The following FNDC3B variants were observed in gnomAD, a reference collection of about 807,000 sequenced individuals.
FNDC3B encodes the protein fibronectin type III domain containing 3B, also known as fibronectin type III domain-containing protein 3B.
A neutral mutation model predicts 151.5 loss-of-function variants in FNDC3B; 12 were observed. That is an observed-to-expected ratio of 0.08 (90% CI 0.05 to 0.13). The LOEUF is 0.13. Ranked by LOEUF, FNDC3B falls within the 10% of genes least tolerant of loss-of-function variation. FNDC3B has a pLI of 1.00. For missense variants in FNDC3B, 1,214 were observed against 1,505.3 expected (o/e 0.81, Z 3.20); for synonymous variants, 528 against 549.0 (o/e 0.96, Z 0.54).
chr3:172,170,291 T>C (rs1268723528), intron 3 of FNDC3B, among the ~76,000 whole-genome samples: 1 of 152,218 alleles, frequency 6.6e-6, no homozygotes, highest in East Asian at 1.9e-4. Context: ...ACAGGTCATA[T>C]GTTTGTTTCT....
intron 3 of FNDC3B, among the ~76,000 whole-genome samples, chr3:172,168,872 C>T (rs762585569): frequency 2.0e-5 from 3 of 151,258 alleles, no homozygotes; most frequent in Non-Finnish European, 2.9e-5. Context: ...CCACCACTCC[C>T]GGCTAATTTT....
chr3:172,239,214 A>T (rs73027387), intron 4 of FNDC3B, among the ~76,000 whole-genome samples: 1 of 152,082 alleles, frequency 6.6e-6, no homozygotes, highest in East Asian at 1.9e-4. Context: ...CTGAGTGGAG[A>T]GGGGAGAGGT....
At chr3:172,177,277 C>T (rs1055765356) in intron 3 of FNDC3B, among the ~76,000 whole-genome samples, 1 of 152,222 alleles carries the variant, frequency 6.6e-6, no homozygotes, top group Non-Finnish European at 1.5e-5. Context: ...GCCAGGTCTA[C>T]TGAATCAAGA....
At chr3:172,378,223 C>T (rs1278135397) in intron 23 of FNDC3B, 47 bp from the exon 24 acceptor site, 2 of 1,490,138 alleles carry the variant, frequency 1.3e-6, no homozygotes, top group Admixed American at 2.3e-5. Context: ...AATTTCTTGT[C>T]ATTAGTAGAC....
chr3:172,187,996 GTTT>G (rs35110477), intron 3 of FNDC3B, among the ~76,000 whole-genome samples: 1 of 134,650 alleles, frequency 7.4e-6, no homozygotes, highest in African/African-American at 3.0e-5. Flanking sequence ...TATTTAAGCA[GTTT>G]TTTTTTTTTT....
intron 3 of FNDC3B, among the ~76,000 whole-genome samples, chr3:172,145,322 C>G (rs1477282723): frequency 2.0e-5 from 3 of 152,286 alleles, no homozygotes; most frequent in African/African-American, 7.2e-5. Context: ...AGAGTGGAAA[C>G]TTAAATCAAA....
intron 23 of FNDC3B, among the ~76,000 whole-genome samples, chr3:172,376,622 T>C (rs1303555373): frequency 6.6e-6 from 1 of 152,126 alleles, no homozygotes; most frequent in Non-Finnish European, 1.5e-5. Flanking sequence ...TAGTAATGTG[T>C]CAAGAGTGCT....
Position 172,278,811 on chromosome 3 carries a change from C to G in FNDC3B, c.791-7115C>G, listed in dbSNP as rs1335628276. On this transcript the variant is annotated intron_variant, in intron 6 of 25. Transcript: ENST00000415807. ...GCATAGTGGCGCACACTCGTAATCCCAGCTACTCAGGGGGCTGAGGCAGAA... is the reference window on the plus strand; with the variant it reads ...GCATAGTGGCGCACACTCGTAATCCGAGCTACTCAGGGGGCTGAGGCAGAA... Among the ~76,000 whole-genome samples, 5 of 152,236 alleles carry G rather than the reference C, an allele frequency of 3.3e-5. No homozygotes were observed. In the South Asian group the frequency reaches 1.0e-3, roughly 32 times the overall value.
chr3:172,200,621 G>C (rs771302679), intron 3 of FNDC3B, among the ~76,000 whole-genome samples: 2 of 152,210 alleles, frequency 1.3e-5, no homozygotes, highest in Non-Finnish European at 2.9e-5. Context: ...GTTTAAGCCA[G>C]GCTAGGCTAA....
intron 3 of FNDC3B, chr3:172,225,647 G>T: frequency 6.3e-6 from 1 of 158,076 alleles, no homozygotes; most frequent in Non-Finnish European, 1.4e-5. Context: ...GGAGTGGTAT[G>T]ACTACTTCTA....
intron 3 of FNDC3B, among the ~76,000 whole-genome samples, chr3:172,154,496 G>A (rs999852625): frequency 1.3e-5 from 2 of 152,116 alleles, no homozygotes; most frequent in African/African-American, 4.8e-5. Flanking sequence ...ATGAGCCACC[G>A]TGCCCAGGCT....
intron 22 of FNDC3B, among the ~76,000 whole-genome samples, chr3:172,358,961 T>G (rs767842961): frequency 5.0e-3 from 59 of 11,756 alleles, no homozygotes; most frequent in East Asian, 0.026. Context: ...TTCTTGGTGG[T>G]GGTGGTGGTG....
chr3:172,086,357 C>T (rs1718546688), intron 1 of FNDC3B, among the ~76,000 whole-genome samples: 1 of 86,126 alleles, frequency 1.2e-5, no homozygotes, highest in Non-Finnish European at 2.5e-5. Context: ...AAGACCTGAT[C>T]TTTAAAAAAA....
In FNDC3B at chr3:172,273,444, C is replaced by T. The variant is rs558244735; in HGVS notation, c.791-12482C>T. Among the ~76,000 whole-genome samples the T allele has an allele frequency of 6.6e-5, 10 of 152,284 alleles. 1 individual carries two copies. Among genetic ancestry groups the T allele is most frequent in the Middle Eastern group, 6.8e-3 (2 of 294 alleles). ...GGCTCCCTGCTCCCTGTATATTCCC[C>T]GCACCCATGACTACTTCTCTGTTCA... On this transcript the variant is annotated intron_variant, in intron 6 of 25. Coordinates refer to ENST00000415807, the MANE Select transcript of FNDC3B (RefSeq NM_022763.4).
chr3:172,116,446 C>T (rs1157836558), intron 2 of FNDC3B, among the ~76,000 whole-genome samples: 2 of 152,176 alleles, frequency 1.3e-5, no homozygotes, highest in Non-Finnish European at 2.9e-5. Flanking sequence ...TCCCCCCGTC[C>T]TAGGTAACCA....
chr3:172,125,568 C>T (rs567560520), intron 2 of FNDC3B, among the ~76,000 whole-genome samples: 1 of 152,120 alleles, frequency 6.6e-6, no homozygotes, highest in African/African-American at 2.4e-5. Context: ...TCCCAAACCC[C>T]GTCCTTCATT....
intron 23 of FNDC3B, among the ~76,000 whole-genome samples, chr3:172,366,530 A>G (rs1366177686): frequency 6.6e-6 from 1 of 152,196 alleles, no homozygotes; most frequent in African/African-American, 2.4e-5. Context: ...ACTTACAATT[A>G]TTGGAGTTTT....
At chr3:172,319,163 A>G (rs1219441612) in intron 11 of FNDC3B, among the ~76,000 whole-genome samples, 1 of 152,218 alleles carries the variant, frequency 6.6e-6, no homozygotes, top group Non-Finnish European at 1.5e-5. Flanking sequence ...CACCTGATTT[A>G]TCAACTCGCC....
At chr3:172,211,320 C>T (rs755533081) in intron 3 of FNDC3B, among the ~76,000 whole-genome samples, 4 of 152,204 alleles carry the variant, frequency 2.6e-5, no homozygotes, top group Non-Finnish European at 4.4e-5. Flanking sequence ...CAGGCTCTGC[C>T]TGTCTCTGCA....
Sources: gnomAD v4.1 joint callset for allele counts (sites outside exome capture counted in the v4.1 genomes callset) on GRCh38, gnomAD v4.1.1 for gene constraint, MANE v1.5 for transcripts, NCBI Gene and HGNC (gene_info 2026-07-23, HGNC 2026-07-21) for gene names.